PARN: variants seen among roughly 807,000 people sequenced by gnomAD.
PARN encodes poly(A)-specific ribonuclease PARN.
A neutral mutation model predicts 102.8 loss-of-function variants in PARN; 71 were observed. That is an observed-to-expected ratio of 0.69 (90% CI 0.57 to 0.84). The LOEUF is 0.84. Among genes scored for constraint, PARN ranks in the 40% least tolerant of loss-of-function variants. The probability of loss-of-function intolerance (pLI) is 0.00; values close to 1 mark genes in which losing one functional copy is unlikely to be tolerated. For synonymous variants in PARN, 261 were observed against 252.9 expected (o/e 1.03, Z -0.30); for missense variants, 782 against 760.9 (o/e 1.03, Z -0.33).
At chr16:14,493,470 C>A (rs145553307) in intron 21 of PARN, among the ~76,000 whole-genome samples, 1 of 152,316 alleles carries the variant, frequency 6.6e-6, no homozygotes, top group Non-Finnish European at 1.5e-5. Context: ...CCCATGTTGG[C>A]CTCTCAAAGG....
At chr16:14,616,183 G>A (rs1036763711) in intron 6 of PARN, among the ~76,000 whole-genome samples, 3 of 152,110 alleles carry the variant, frequency 2.0e-5, no homozygotes, top group East Asian at 1.9e-4. Context: ...CACTTTTAGA[G>A]AAACAAATGG....
chr16:14,487,599 C>T (rs1963784272), intron 21 of PARN, among the ~76,000 whole-genome samples: 1 of 152,102 alleles, frequency 6.6e-6, no homozygotes, highest in African/African-American at 2.4e-5. Context: ...TTCTGTGGAA[C>T]AGGGCTAACT....
intron 12 of PARN, among the ~76,000 whole-genome samples, chr16:14,595,999 T>C (rs772768146): frequency 3.9e-5 from 6 of 152,128 alleles, no homozygotes; most frequent in Non-Finnish European, 7.4e-5. Context: ...CACACATACA[T>C]ATACAGAGAG....
intron 12 of PARN, among the ~76,000 whole-genome samples, chr16:14,599,626 A>T (rs1323293158): frequency 6.6e-6 from 1 of 152,050 alleles, no homozygotes; most frequent in Non-Finnish European, 1.5e-5. Flanking sequence ...TTTGAAAATA[A>T]CTCTTGGTTT....
At chr16:14,566,351 T>C (rs1968429087) in intron 18 of PARN, among the ~76,000 whole-genome samples, 2 of 151,998 alleles carry the variant, frequency 1.3e-5, no homozygotes, top group Admixed American at 6.6e-5. Context: ...AATGTGACCA[T>C]GGGGACAGAG....
intron 21 of PARN, among the ~76,000 whole-genome samples, chr16:14,532,795 G>A (rs1298106965): frequency 8.0e-5 from 12 of 150,560 alleles, no homozygotes; most frequent in Non-Finnish European, 1.5e-4. Context: ...GGGGCGGCTG[G>A]CCGGGCGGGG....
At chr16:14,448,670 C>T (rs1456168401) in intron 22 of PARN, among the ~76,000 whole-genome samples, 1 of 152,238 alleles carries the variant, frequency 6.6e-6, no homozygotes, top group Non-Finnish European at 1.5e-5. Context: ...CTCCTGCACT[C>T]AACATCTTCC....
chr16:14,616,083 GA>G (rs966134453), intron 6 of PARN, among the ~76,000 whole-genome samples: 20 of 151,228 alleles, frequency 1.3e-4, no homozygotes, highest in Non-Finnish European at 2.4e-4. Flanking sequence ...CACCATGGGG[GA>G]AAAAAAACAA....
At chr16:14,513,783 CTCTT>C (rs1298522455) in intron 21 of PARN, among the ~76,000 whole-genome samples, 1 of 152,188 alleles carries the variant, frequency 6.6e-6, no homozygotes, top group Non-Finnish European at 1.5e-5. Flanking sequence ...GAGCAAAACT[CTCTT>C]TCTTAGAGAA....
chr16:14,557,494 T>C (rs1218706826), intron 18 of PARN, among the ~76,000 whole-genome samples: 1 of 147,002 alleles, frequency 6.8e-6, no homozygotes, highest in South Asian at 2.2e-4. Flanking sequence ...GAGGCGGAGG[T>C]TGCAGTGAAC....
chr16:14,467,851 C>A (rs747789297), intron 22 of PARN, among the ~76,000 whole-genome samples: 48 of 152,214 alleles, frequency 3.2e-4, no homozygotes, highest in Non-Finnish European at 4.1e-4. Context: ...AGAAAGAAAA[C>A]AGTCTGCATG....
chr16:14,517,193 C>T (rs1045749594), intron 21 of PARN, among the ~76,000 whole-genome samples: 2 of 152,194 alleles, frequency 1.3e-5, no homozygotes, highest in Non-Finnish European at 1.5e-5. Context: ...TCAAGAGGTG[C>T]GGTGTATTTA....
At chr16:14,487,651 A>G (rs1963789371) in intron 21 of PARN, among the ~76,000 whole-genome samples, 1 of 152,218 alleles carries the variant, frequency 6.6e-6, no homozygotes, top group Admixed American at 6.5e-5. Context: ...CATTTTAATT[A>G]AATATTGAAA....
chr16:14,491,926 G>GCTTC (rs1964078855), intron 21 of PARN, among the ~76,000 whole-genome samples: 1 of 152,218 alleles, frequency 6.6e-6, no homozygotes, highest in Non-Finnish European at 1.5e-5. Flanking sequence ...ATCCCATGTT[G>GCTTC]AAGCCTGGTA....
At position 14,630,200 on chromosome 16, in the gene PARN, G is replaced by T. The variant is rs562752319; in HGVS notation, c.-75C>A. 1.0e-3 allele frequency: 1,384 copies of T among 1,335,116 alleles called. 4 individuals carry two copies. The highest frequency in any genetic ancestry group is 1.3e-3 in the Non-Finnish European group (1,283 of 960,794). 82.7% of individuals were successfully genotyped at this position (1,335,116 alleles called of 1,614,324 possible). A position where few individuals can be genotyped will look rare whatever the true frequency, so the allele number is the denominator to read the frequency against. Reference sequence around the variant, plus strand: ...AGCGGTTCTACTCGCCGAATTCCGCGGCGACTGCGGCAGTAGCTGAGGCAG... The same window carrying T: ...AGCGGTTCTACTCGCCGAATTCCGCTGCGACTGCGGCAGTAGCTGAGGCAG... On this transcript the variant is annotated 5_prime_UTR_variant, in exon 1 of 24. Coordinates refer to ENST00000437198, the MANE Select transcript of PARN (RefSeq NM_002582.4).
At chr16:14,575,632 T>C (rs1017883221) in intron 18 of PARN, among the ~76,000 whole-genome samples, 5 of 152,206 alleles carry the variant, frequency 3.3e-5, no homozygotes, top group Admixed American at 1.3e-4. Context: ...TACAGGCTCA[T>C]AGGCGGAAGG....
intron 22 of PARN, among the ~76,000 whole-genome samples, chr16:14,452,493 C>T (rs1427530738): frequency 1.3e-5 from 2 of 152,196 alleles, no homozygotes; most frequent in African/African-American, 2.4e-5. Flanking sequence ...ATGCCTCAGC[C>T]TCCCAGCTAA....
chr16:14,581,336 G>T (rs1157711356), intron 17 of PARN, among the ~76,000 whole-genome samples: 1 of 152,122 alleles, frequency 6.6e-6, no homozygotes, highest in Non-Finnish European at 1.5e-5. Context: ...ACAGGAGTAA[G>T]CCACTGCGCC....
chr16:14,586,247 G>T, intron 14 of PARN, 71 bp downstream of exon 14: 1 of 838,606 alleles, frequency 1.2e-6, no homozygotes, highest in Non-Finnish European at 2.0e-6. Context: ...AAAGTGGTGG[G>T]ATTATAGGTG....
Sources: gnomAD v4.1 joint callset for allele counts (sites outside exome capture counted in the v4.1 genomes callset) on GRCh38, gnomAD v4.1.1 for gene constraint, MANE v1.5 for transcripts, NCBI Gene and HGNC (gene_info 2026-07-23, HGNC 2026-07-21) for gene names.